The following KAZN variants were observed in gnomAD, a reference collection of about 807,000 sequenced individuals.
The protein encoded by KAZN is kazrin, periplakin interacting protein, also known as kazrin.
In KAZN, 40 loss-of-function variants were observed where a neutral mutation model predicts 87.4. The observed-to-expected ratio is 0.46, with a 90% CI of 0.36 to 0.60. KAZN has a LOEUF of 0.60. Among genes scored for constraint, KAZN ranks in the 20% least tolerant of loss-of-function variants. The pLI is 0.00. For synonymous variants in KAZN, 466 were observed against 458.3 expected (o/e 1.02, Z -0.22); for missense variants, 898 against 1,073.9 (o/e 0.84, Z 2.29).
chr1:14,586,031 G>A (rs867524938), intron 2 of KAZN, among the ~76,000 whole-genome samples: 41 of 152,232 alleles, frequency 2.7e-4, no homozygotes, highest in Non-Finnish European at 5.7e-4. Flanking sequence ...CCTAGTGGGG[G>A]TGTTGGAAGG....
intron 1 of KAZN, among the ~76,000 whole-genome samples, chr1:14,646,739 T>C (rs1346935169): frequency 1.3e-5 from 2 of 152,210 alleles, no homozygotes; most frequent in African/African-American, 2.4e-5. Flanking sequence ...AAGGCGTCAC[T>C]GGTTGAGAAT....
chr1:14,671,238 TCTTA>T (rs907953527), intron 1 of KAZN, among the ~76,000 whole-genome samples: 5 of 152,228 alleles, frequency 3.3e-5, no homozygotes, highest in Non-Finnish European at 7.3e-5. Flanking sequence ...AACTTACATG[TCTTA>T]CTTACAGCAT....
In KAZN at chr1:13,919,600, G is replaced by A. The variant is rs375829072; in HGVS notation, c.91+25844G>A. Reference sequence around the variant, plus strand: ...TGTGCCTGTGTTCAGCCTTCAAAAAGATATTTAAATTGGCCATTTGGACAT... The same window carrying A: ...TGTGCCTGTGTTCAGCCTTCAAAAAAATATTTAAATTGGCCATTTGGACAT... On this transcript the variant is annotated intron_variant, in intron 1 of 16. Coordinates refer to the KAZN transcript ENST00000636203. 2.6e-5 allele frequency among the ~76,000 whole-genome samples: 4 copies of A among 152,210 alleles called. No homozygotes were observed. The East Asian group carries it at 7.7e-4, about 29-fold the overall frequency.
chr1:14,259,453 CCT>C, intron 2 of KAZN, among the ~76,000 whole-genome samples: 1 of 152,144 alleles, frequency 6.6e-6, no homozygotes, highest in East Asian at 1.9e-4. Context: ...AGCACCAAGA[CCT>C]CCTTTTTAAC....
intron 1 of KAZN, among the ~76,000 whole-genome samples, chr1:14,091,047 G>T (rs551105181): frequency 7.6e-4 from 113 of 149,458 alleles, no homozygotes; most frequent in African/African-American, 2.7e-3. Flanking sequence ...AGGAGGCAGA[G>T]GTTGCAGTGA....
intron 2 of KAZN, among the ~76,000 whole-genome samples, chr1:14,374,583 G>C (rs1660754652): frequency 6.6e-6 from 1 of 151,966 alleles, no homozygotes; most frequent in South Asian, 2.1e-4. Context: ...CTTTCTTTGA[G>C]CTAATTAGCA....
chr1:14,418,037 A>C (rs1303100046), intron 2 of KAZN, among the ~76,000 whole-genome samples: 6 of 136,812 alleles, frequency 4.4e-5, no homozygotes, highest in African/African-American at 1.1e-4. Flanking sequence ...AAAAAAAAAA[A>C]AAAAAAACCT....
intron 2 of KAZN, among the ~76,000 whole-genome samples, chr1:14,278,169 TC>T (rs1652541096): frequency 1.2e-5 from 1 of 81,554 alleles, no homozygotes; most frequent in Non-Finnish European, 2.0e-5. Flanking sequence ...AAACTCTGTC[TC>T]AAAAAAAAAA....
intron 2 of KAZN, among the ~76,000 whole-genome samples, chr1:14,557,629 G>GGTGTGTGTGTGTGTGTGTGTGTGTGT (rs59563758): frequency 7.3e-6 from 1 of 137,880 alleles, no homozygotes; most frequent in African/African-American, 2.7e-5. Context: ...GGTGTGTGTG[G>GGTGTGTGTGTGTGTGTGTGTGTGTGT]GTGTGTGTGT....
chr1:14,247,951 CAA>C, intron 2 of KAZN, among the ~76,000 whole-genome samples: 1 of 152,246 alleles, frequency 6.6e-6, no homozygotes, highest in South Asian at 2.1e-4. Context: ...AGCCTGCTGA[CAA>C]AATGCATAAC....
intron 1 of KAZN, among the ~76,000 whole-genome samples, chr1:13,972,708 G>A (rs1642182312): frequency 1.3e-5 from 2 of 152,208 alleles, no homozygotes; most frequent in Non-Finnish European, 2.9e-5. Flanking sequence ...ATCCCTGGAG[G>A]CAGACTGGCT....
chr1:14,999,506 C>CCCCCCCCCA (rs1318690278), intron 2 of KAZN, among the ~76,000 whole-genome samples: 1 of 138,148 alleles, frequency 7.2e-6, no homozygotes, highest in African/African-American at 3.5e-5. Context: ...CCCCCTCCCC[C>CCCCCCCCCA]CGCCCCGCCA....
intron 1 of KAZN, among the ~76,000 whole-genome samples, chr1:14,178,745 G>A (rs1646135576): frequency 6.6e-6 from 1 of 152,004 alleles, no homozygotes; most frequent in Admixed American, 6.5e-5. Context: ...ATTTTTTATG[G>A]AACCCTAAGC....
rs115774391 is a variant in KAZN at position 15,051,377 on chromosome 1, C to T, written c.727-4714C>T. Among the ~76,000 whole-genome samples, 1,469 of 152,334 alleles carry T rather than the reference C, an allele frequency of 9.6e-3. 19 individuals are homozygous for T. Among genetic ancestry groups the T allele is most frequent in the African/African-American group, 0.033 (1,368 of 41,572 alleles). ...GGCAGGGCCCTGTGCTGCCATCTCC[C>T]CTTCCTGCCTCATGGGTCTCACTGC... On this transcript the variant is annotated intron_variant, in intron 4 of 14. Coordinates refer to ENST00000376030, the MANE Select transcript of KAZN (RefSeq NM_201628.3).
chr1:14,115,207 T>C lies in KAZN; in HGVS notation c.92-65228T>C, dbSNP rs182953636. Among the ~76,000 whole-genome samples, 417 of 152,348 alleles carry C rather than the reference T, an allele frequency of 2.7e-3. 1 individual carries two copies. Among genetic ancestry groups the C allele is most frequent in the Non-Finnish European group, 5.0e-3 (342 of 68,044 alleles). On this transcript the variant is annotated intron_variant, in intron 1 of 16. Coordinates refer to the KAZN transcript ENST00000636203. ...GCCACTTTCTCACTGTGTCCTCACA[T>C]GGCAGAGAGATACAACAATGTCTCT...
intron 1 of KAZN, among the ~76,000 whole-genome samples, chr1:14,147,609 T>C (rs1645380254): frequency 6.6e-6 from 1 of 151,888 alleles, no homozygotes; most frequent in African/African-American, 2.4e-5. Flanking sequence ...CTGGCCAACA[T>C]GGTGAAACCC....
chr1:14,586,641 C>T (rs145242200), intron 2 of KAZN, among the ~76,000 whole-genome samples: 2 of 151,654 alleles, frequency 1.3e-5, no homozygotes, highest in East Asian at 2.0e-4. Context: ...AGTGACCCTC[C>T]GGCTTTGGCC....
chr1:15,029,300 C>T (rs185544098), intron 2 of KAZN, among the ~76,000 whole-genome samples: 100 of 152,310 alleles, frequency 6.6e-4, no homozygotes, highest in African/African-American at 2.3e-3. Context: ...CTGGCTCACT[C>T]CTGTCCTCAC....
intron 2 of KAZN, among the ~76,000 whole-genome samples, chr1:14,509,481 G>C (rs562562450): frequency 6.6e-6 from 1 of 152,186 alleles, no homozygotes; most frequent in Non-Finnish European, 1.5e-5. Flanking sequence ...TGGCCTTTAC[G>C]CATGTGAAGC....
Sources: allele counts gnomAD v4.1 joint callset (sites outside exome capture counted in the v4.1 genomes callset), GRCh38; gene constraint gnomAD v4.1.1; transcripts MANE v1.5; gene names NCBI Gene and HGNC (gene_info 2026-07-23, HGNC 2026-07-21).